Variants in ANO4 observed in about 807,000 individuals in gnomAD.
ANO4 encodes anoctamin-4.
Under a neutral mutation model 141.9 loss-of-function variants are expected in ANO4, and 69 were observed. The observed-to-expected ratio is 0.49, with a 90% confidence interval of 0.40 to 0.59. The LOEUF is 0.59. ANO4 is among the 20% of genes least tolerant of loss of function. ANO4 has a pLI of 0.00. For missense variants in ANO4, 894 were observed against 1,162.2 expected (o/e 0.77, Z 3.36); for synonymous variants, 350 against 394.3 (o/e 0.89, Z 1.33).
chr12:100,835,774 G>A (rs2036880100), intron 1 of ANO4, among the ~76,000 whole-genome samples: 1 of 152,038 alleles, frequency 6.6e-6, no homozygotes. Flanking sequence ...CAGTGAGGCT[G>A]ATAATTTGGA....
At chr12:101,068,681 G>A (rs879075402) in intron 14 of ANO4, 2 of 1,308,924 alleles carry the variant, frequency 1.5e-6, no homozygotes, top group East Asian at 2.3e-5. Context: ...AACTATTAGA[G>A]TAGGATCAAA....
chr12:100,878,153 G>A (rs1593607207), intron 1 of ANO4, among the ~76,000 whole-genome samples: 2 of 152,262 alleles, frequency 1.3e-5, no homozygotes, highest in East Asian at 3.9e-4. Context: ...GTATCACTGA[G>A]TTTGATCACC....
intron 5 of ANO4, among the ~76,000 whole-genome samples, chr12:100,968,479 A>T (rs1424637042): frequency 6.6e-6 from 1 of 152,168 alleles, no homozygotes; most frequent in Non-Finnish European, 1.5e-5. Context: ...ATTTCCATAT[A>T]GTGTCTTCGG....
chr12:100,942,262 A>G, intron 4 of ANO4, 115 bp from the exon 5 acceptor site: 2 of 1,209,342 alleles, frequency 1.7e-6, no homozygotes, highest in South Asian at 3.1e-5. Flanking sequence ...TACAGGCATG[A>G]GCCACCGCAC....
chr12:100,717,743 G>C (rs2030670799), intron 1 of ANO4, among the ~76,000 whole-genome samples: 1 of 152,238 alleles, frequency 6.6e-6, no homozygotes, highest in South Asian at 2.1e-4. Flanking sequence ...CCCGGGAACC[G>C]GGTGTCTGCG....
At chr12:100,730,369 A>G (rs1017305151) in intron 1 of ANO4, among the ~76,000 whole-genome samples, 4 of 152,108 alleles carry the variant, frequency 2.6e-5, no homozygotes, top group Admixed American at 6.6e-5. Flanking sequence ...AGGAATCAGT[A>G]CTTAAGGAAA....
chr12:100,851,984 G>A (rs1038645309), intron 1 of ANO4, among the ~76,000 whole-genome samples: 2 of 152,140 alleles, frequency 1.3e-5, no homozygotes, highest in Non-Finnish European at 2.9e-5. Context: ...ATAGGCCGGG[G>A]GCAGGAGCAT....
chr12:100,734,548 C>T (rs2031524020), intron 2 of ANO4, among the ~76,000 whole-genome samples: 1 of 152,234 alleles, frequency 6.6e-6, no homozygotes, highest in South Asian at 2.1e-4. Flanking sequence ...CTGCTCTTGA[C>T]TCCCTGCATA....
At chr12:100,756,933 C>T (rs2032639320) in intron 3 of ANO4, among the ~76,000 whole-genome samples, 1 of 152,176 alleles carries the variant, frequency 6.6e-6, no homozygotes, top group Admixed American at 6.5e-5. Flanking sequence ...GACCTCCAAC[C>T]TGAACTTCTC....
chr12:100,897,855 C>T (rs2040417772), intron 1 of ANO4, among the ~76,000 whole-genome samples: 1 of 152,184 alleles, frequency 6.6e-6, no homozygotes, highest in Non-Finnish European at 1.5e-5. Context: ...ACAGATGGTT[C>T]TTTAAGAGCT....
chr12:100,928,603 A>G (rs1271047775), intron 3 of ANO4, among the ~76,000 whole-genome samples: 1 of 152,166 alleles, frequency 6.6e-6, no homozygotes, highest in East Asian at 1.9e-4. Flanking sequence ...TGTGGTCAGT[A>G]GACTTGGAGG....
intron 2 of ANO4, 109 bp downstream of exon 2, chr12:100,901,949 TTGTTAGGAGTCTTGTTC>T: frequency 9.2e-7 from 1 of 1,082,968 alleles, no homozygotes; most frequent in Middle Eastern, 3.1e-4. Context: ...AAGCTTGCTT[TTGTTAGGAGTCTTGTTC>T]TATTTCCCCT....
At chr12:101,029,899 T>C (rs1481520454) in intron 9 of ANO4, among the ~76,000 whole-genome samples, 1 of 31,432 alleles carries the variant, frequency 3.2e-5, no homozygotes, top group Non-Finnish European at 6.0e-5. Flanking sequence ...AAAGAGCAAG[T>C]CTCCGTCTAA....
intron 2 of ANO4, among the ~76,000 whole-genome samples, chr12:100,912,345 A>C (rs1425052582): frequency 6.6e-6 from 1 of 150,628 alleles, no homozygotes; most frequent in African/African-American, 2.4e-5. Flanking sequence ...CAGTGAGCCA[A>C]GATCATGCCA....
chr12:101,125,218 T>C (rs950519702), intron 26 of ANO4, among the ~76,000 whole-genome samples: 1 of 152,144 alleles, frequency 6.6e-6, no homozygotes, highest in Non-Finnish European at 1.5e-5. Flanking sequence ...TATTTTATTC[T>C]TTTGCAGCAG....
intron 4 of ANO4, among the ~76,000 whole-genome samples, chr12:100,941,257 A>T (rs1164588108): frequency 1.3e-5 from 2 of 152,056 alleles, no homozygotes; most frequent in African/African-American, 4.8e-5. Flanking sequence ...TATTCCTAAA[A>T]CCACGGAAGC....
chr12:100,837,391 A>G (rs1257634823), intron 1 of ANO4, among the ~76,000 whole-genome samples: 1 of 152,162 alleles, frequency 6.6e-6, no homozygotes, highest in South Asian at 2.1e-4. Flanking sequence ...TGGGTTTAGG[A>G]CTTCAACAGT....
intron 7 of ANO4, among the ~76,000 whole-genome samples, chr12:100,984,676 T>A (rs1399003922): frequency 1.3e-5 from 2 of 152,192 alleles, no homozygotes; most frequent in East Asian, 3.9e-4. Context: ...TGGAAGGTCA[T>A]ACAGCTGAGG....
At chr12:100,794,053 G>T (rs2034157546), upstream of ANO4, among the ~76,000 whole-genome samples, 1 of 152,148 alleles carries the variant, frequency 6.6e-6, no homozygotes, top group Admixed American at 6.5e-5. Flanking sequence ...ATCTTCAGAA[G>T]CTCACCTCTA....
Sources: gnomAD v4.1 joint callset for allele counts (sites outside exome capture counted in the v4.1 genomes callset) on GRCh38, gnomAD v4.1.1 for gene constraint, MANE v1.5 for transcripts, NCBI Gene and HGNC (gene_info 2026-07-23, HGNC 2026-07-21) for gene names.